Variants in DNAH14 observed in about 807,000 individuals in gnomAD.
The protein encoded by DNAH14 is dynein axonemal heavy chain 14.
In DNAH14, 478 loss-of-function variants were observed where a neutral mutation model predicts 520.9. That is an observed-to-expected ratio of 0.92 (90% CI 0.85 to 0.99). The LOEUF is 0.99. Ranked by LOEUF, DNAH14 falls within the 50% of genes least tolerant of loss-of-function variation. The pLI, the probability that DNAH14 is intolerant of heterozygous loss-of-function variation, is 0.00. For missense variants in DNAH14, 4,831 were observed against 5,234.5 expected (o/e 0.92, Z 2.38); for synonymous variants, 1,581 against 1,757.2 (o/e 0.90, Z 2.51).
chr1:225,100,828 C>G lies in DNAH14; in HGVS notation c.3811C>G (p.Leu1271Val), dbSNP rs1369961609. 6.5e-7 allele frequency: 1 copy of G among 1,531,236 alleles called. No individual in the cohort carries two copies. Among genetic ancestry groups the G allele is most frequent in the Non-Finnish European group, 8.8e-7 (1 of 1,141,492 alleles). 94.9% of individuals were successfully genotyped at this position (1,531,236 alleles called of 1,614,324 possible). A position where few individuals can be genotyped will look rare whatever the true frequency, so the allele number is the denominator to read the frequency against. ...ALQITTSAGV[L>V]EILQNCNIHL... Reference sequence around the variant, plus strand: ...GCAGATAACCACTTCTGCAGGAGTCCTTGAAATTCTGCAAAATTGTAATAT... The same window carrying G: ...GCAGATAACCACTTCTGCAGGAGTCGTTGAAATTCTGCAAAATTGTAATAT... The change falls in exon 23 of 86, where the codon CTT becomes GTT. Residue 1271 changes from leucine to valine, a missense_variant. Physicochemically the swap from Leu to Val is conservative, Grantham distance 32. Coordinates refer to ENST00000682510, the MANE Select transcript of DNAH14 (RefSeq NM_001367479.1).
rs1182145917 is a variant in DNAH14, at chr1:225,147,095, T to C, written c.4795-9T>C. On this transcript the variant is annotated splice_polypyrimidine_tract_variant and intron_variant, in intron 30 of 85. Coordinates refer to ENST00000682510, the MANE Select transcript of DNAH14 (RefSeq NM_001367479.1). ...ATTTTAGTAATCAATCTCTTTTTTT[T>C]TTTAAAAGATAGTGAGAAAATTTTT... 1 of 1,496,118 alleles carries C rather than the reference T, an allele frequency of 6.7e-7. No homozygotes were observed. Among genetic ancestry groups the C allele is most frequent in the Admixed American group, 2.5e-5 (1 of 39,820 alleles). The allele number at this position is 1,496,118 out of a possible 1,614,324, so 92.7% of individuals were successfully genotyped here.
intron 38 of DNAH14, among the ~76,000 whole-genome samples, chr1:225,195,886 T>G (rs2086065878): frequency 6.6e-6 from 1 of 152,098 alleles, no homozygotes; most frequent in Non-Finnish European, 1.5e-5. Flanking sequence ...CAAGGATATG[T>G]AGAATGATGG....
At chr1:224,956,766 A>T (rs2060541073) in intron 3 of DNAH14, among the ~76,000 whole-genome samples, 1 of 152,144 alleles carries the variant, frequency 6.6e-6, no homozygotes, top group South Asian at 2.1e-4. Context: ...CTGAGCTTCC[A>T]GAATTCTGGC....
intron 84 of DNAH14, among the ~76,000 whole-genome samples, chr1:225,393,883 A>C (rs2095962145): frequency 6.7e-6 from 1 of 149,544 alleles, no homozygotes; most frequent in South Asian, 2.1e-4. Flanking sequence ...CAGTGGCACG[A>C]TCTCAGCTCA....
rs1459405760 is a variant in DNAH14, at chr1:225,192,890, A to G, written c.5865A>G (p.Ser1955=). The G allele has an allele frequency of 6.5e-7, 1 of 1,548,614 alleles. No homozygotes were observed. Among genetic ancestry groups the G allele is most frequent in the Non-Finnish European group, 8.7e-7 (1 of 1,145,280 alleles). The part of the protein sequence containing the change: ...TKKDIDLRLK[S]RISDLSNVFK... ...AAGACATTGATCTCAGACTAAAGTC[A>G]AGAATCTCAGATTTATCCAATGTAA... Residue 1955 remains serine (S), a synonymous_variant, in exon 38 of 86, where the codon TCA becomes TCG. Transcript: ENST00000682510.
chr1:225,158,702 A>G (rs770504567), intron 34 of DNAH14, among the ~76,000 whole-genome samples: 17 of 152,232 alleles, frequency 1.1e-4, no homozygotes, highest in Non-Finnish European at 1.8e-4. Flanking sequence ...ACACAGCTGC[A>G]TTAGAATCTG....
At chr1:225,256,068 T>G (rs1460034767) in intron 44 of DNAH14, among the ~76,000 whole-genome samples, 1 of 152,132 alleles carries the variant, frequency 6.6e-6, no homozygotes, top group Non-Finnish European at 1.5e-5. Flanking sequence ...GAGATAGAAA[T>G]TTGGAAAATA....
At chr1:225,172,709 A>G (rs1009263663) in intron 36 of DNAH14, among the ~76,000 whole-genome samples, 8 of 152,244 alleles carry the variant, frequency 5.3e-5, no homozygotes, top group African/African-American at 9.6e-5. Context: ...TATAGATTCA[A>G]TGCCATCCTC....
chr1:225,289,062 G>A (rs990785075), intron 54 of DNAH14, among the ~76,000 whole-genome samples: 7 of 152,062 alleles, frequency 4.6e-5, no homozygotes, highest in African/African-American at 1.7e-4. Context: ...CCATTCAAAT[G>A]TTCATCAATG....
In DNAH14 at chr1:225,300,953, G is replaced by A. The variant is rs1332742696; in HGVS notation, c.8554G>A (p.Ala2852Thr). The change falls in exon 56 of 86, where the codon GCA (alanine) becomes ACA (threonine). Residue 2852 changes from alanine to threonine, a missense_variant. Physicochemically the swap from Ala to Thr is moderately conservative, Grantham distance 58. Coordinates refer to ENST00000682510, the MANE Select transcript of DNAH14 (RefSeq NM_001367479.1). ...TGAAAATGTTGAGCTGGATTCTATT[G>A]CAATGAAAATCAGATATCTTACTGA... is the stretch of plus-strand genomic sequence containing the variant. Reference protein sequence around the residue: ...LFENVELDSIAMKIRYLTEQS... With the variant: ...LFENVELDSITMKIRYLTEQS... 2 of 1,551,360 alleles carry A rather than the reference G, an allele frequency of 1.3e-6. No homozygotes were observed. Among genetic ancestry groups the A allele is most frequent in the Admixed American group, 2.0e-5 (1 of 50,990 alleles).
intron 8 of DNAH14, among the ~76,000 whole-genome samples, chr1:225,001,026 C>T (rs1481350428): frequency 1.3e-5 from 2 of 151,882 alleles, no homozygotes; most frequent in Non-Finnish European, 2.9e-5. Context: ...TGGCATTTGG[C>T]TGGAATAGAA....
rs747670647 is a variant in DNAH14 at position 225,303,214 on chromosome 1, G to A, written c.8690G>A (p.Arg2897His). 1.0e-4 allele frequency: 155 copies of A among 1,540,404 alleles called. No homozygotes were observed. Among genetic ancestry groups the A allele is most frequent in the Non-Finnish European group, 1.2e-4 (139 of 1,142,688 alleles). ...VIMSPEGPSF[R>H]QNCRVYPSMI... ...ATGAGTCCTGAAGGACCTAGCTTCC[G>A]CCAAAATTGTAGAGTGTATCCTTCT... Residue 2897 changes from arginine to histidine, a missense_variant, in exon 57 of 86, where the codon CGC becomes CAC. Arg to His is a conservative substitution (Grantham distance 29). Transcript: ENST00000682510.
chr1:225,335,475 G>A (rs578012217), intron 66 of DNAH14, among the ~76,000 whole-genome samples: 1,908 of 57,330 alleles, frequency 0.033, 384 homozygotes, highest in African/African-American at 0.16. Context: ...ACATGTGTGT[G>A]TATGCACATA....
chr1:225,346,364 C>CA lies in DNAH14; in HGVS notation c.11086dup (p.Ser3696LysfsTer4). ...ATTAAAAGTGCAATAGACATGTTGA[C>CA]AAAAAGTATTTTTAAGGTGAGATAT... On this transcript the variant is annotated frameshift_variant, in exon 70 of 86. Coordinates refer to ENST00000682510, the MANE Select transcript of DNAH14 (RefSeq NM_001367479.1). LOFTEE classifies it high-confidence loss of function. The CA allele has an allele frequency of 1.3e-6, 2 of 1,523,208 alleles. No individual in the cohort carries two copies. The allele number at this position is 1,523,208 out of a possible 1,614,324, so 94.4% of individuals were successfully genotyped here. A position where few individuals can be genotyped will look rare whatever the true frequency, so the allele number is the denominator to read the frequency against.
intron 3 of DNAH14, among the ~76,000 whole-genome samples, chr1:224,957,278 T>TA (rs745963059): frequency 6.6e-6 from 1 of 151,994 alleles, no homozygotes; most frequent in Non-Finnish European, 1.5e-5. Flanking sequence ...CAAGAAGTCC[T>TA]AAAAAAAGGT....
chr1:225,387,701 A>T (rs2095858191), intron 81 of DNAH14, among the ~76,000 whole-genome samples: 1 of 152,138 alleles, frequency 6.6e-6, no homozygotes, highest in Non-Finnish European at 1.5e-5. Context: ...TGCAGAGGAT[A>T]CAGGTGCAGG....
At chr1:225,128,806 G>T (rs898887328) in intron 27 of DNAH14, among the ~76,000 whole-genome samples, 21 of 152,034 alleles carry the variant, frequency 1.4e-4, no homozygotes, top group African/African-American at 5.1e-4. Context: ...AGTGTTGGAA[G>T]TTCTGGCCAG....
chr1:225,188,149 C>G (rs982866141), intron 37 of DNAH14, among the ~76,000 whole-genome samples: 4 of 151,852 alleles, frequency 2.6e-5, no homozygotes, highest in African/African-American at 4.8e-5. Flanking sequence ...ATATAGTAGT[C>G]TCCCTGTATT....
intron 1 of DNAH14, among the ~76,000 whole-genome samples, chr1:224,940,967 C>T (rs530490186): frequency 2.0e-5 from 3 of 152,164 alleles, no homozygotes; most frequent in East Asian, 1.9e-4. Context: ...TGAATAGTGC[C>T]GCAATTAACG....
Sources: allele counts gnomAD v4.1 joint callset (sites outside exome capture counted in the v4.1 genomes callset), GRCh38; gene constraint gnomAD v4.1.1; transcripts MANE v1.5; gene names NCBI Gene and HGNC (gene_info 2026-07-23, HGNC 2026-07-21).